PIP4K2B: variants seen among roughly 807,000 people sequenced by gnomAD.
The protein encoded by PIP4K2B is phosphatidylinositol-5-phosphate 4-kinase type 2 beta, also known as phosphatidylinositol 5-phosphate 4-kinase type-2 beta.
In PIP4K2B, 3 loss-of-function variants were observed where a neutral mutation model predicts 42.0. That is an observed-to-expected ratio of 0.07 (90% CI 0.03 to 0.18). The LOEUF is 0.18. Ranked by LOEUF, PIP4K2B falls within the 10% of genes least tolerant of loss-of-function variation. The pLI, the probability that PIP4K2B is intolerant of heterozygous loss-of-function variation, is 1.00. For missense variants in PIP4K2B, 332 were observed against 562.3 expected (o/e 0.59, Z 4.14); for synonymous variants, 204 against 210.1 (o/e 0.97, Z 0.25).
chr17:38,799,231 G>A lies in PIP4K2B; in HGVS notation c.159+35C>T, dbSNP rs1281581757. 6.4e-7 allele frequency: 1 copy of A among 1,552,904 alleles called. No homozygotes were observed. The highest frequency in any genetic ancestry group is 8.7e-7 in the Non-Finnish European group (1 of 1,154,256). ...CTGCAGGGGGCGTGGGAGCGCGCGG[G>A]GCCGCGCTCAGAGGGGCGCGCAGGA... On this transcript the variant is annotated intron_variant, in intron 1 of 9. Coordinates refer to ENST00000619039, the MANE Select transcript of PIP4K2B (RefSeq NM_003559.5). This position sits in a 1 kb window ranked among gnomAD's most constrained non-coding sequence, Gnocchi z 4.4.
intron 1 of PIP4K2B, among the ~76,000 whole-genome samples, chr17:38,788,804 T>A (rs1910182068): frequency 6.6e-6 from 1 of 151,992 alleles, no homozygotes; most frequent in Admixed American, 6.6e-5. Context: ...TACAAAAAAA[T>A]TAGCTGGGTG....
rs1373352874 is a variant in PIP4K2B at position 38,799,094 on chromosome 17, G to C, written c.159+172C>G. Among the ~76,000 whole-genome samples, 1 of 152,108 alleles carries C rather than the reference G, an allele frequency of 6.6e-6. No individual in the cohort carries two copies. Among genetic ancestry groups the C allele is most frequent in the Non-Finnish European group, 1.5e-5 (1 of 68,016 alleles). ...AGAGACACCAGGCCTCGCGTGGCGT[G>C]CGGGGAGTGCACACGGGGCCGAAAG... is the stretch of plus-strand genomic sequence containing the variant. On this transcript the variant is annotated intron_variant, in intron 1 of 9. Transcript: ENST00000619039. The surrounding 1 kb of genome is among the most constrained non-coding windows in gnomAD (Gnocchi z 4.4).
At chr17:38,784,758 C>T (rs563862711) in intron 2 of PIP4K2B, among the ~76,000 whole-genome samples, 2 of 152,246 alleles carry the variant, frequency 1.3e-5, no homozygotes, top group Non-Finnish European at 2.9e-5. Context: ...GGTATTTGTG[C>T]GATTTTCTAT....
intron 1 of PIP4K2B, among the ~76,000 whole-genome samples, chr17:38,790,288 CTTTG>C (rs1230865693): frequency 2.0e-5 from 3 of 152,172 alleles, no homozygotes; most frequent in Non-Finnish European, 4.4e-5. Context: ...CATTCCACTT[CTTTG>C]TTTTTCTGCC....
At chr17:38,797,267 T>C (rs1910703880) in intron 1 of PIP4K2B, among the ~76,000 whole-genome samples, 1 of 152,214 alleles carries the variant, frequency 6.6e-6, no homozygotes, top group Non-Finnish European at 1.5e-5. Context: ...CCATCAGCTA[T>C]TGAGAAACTT....
At position 38,779,641 on chromosome 17, in the gene PIP4K2B, A is replaced by C. The variant is rs545785134; in HGVS notation, c.508-112T>G. 7.8e-6 allele frequency: 7 copies of C among 893,064 alleles called. No homozygotes were observed. The South Asian group carries it at 1.1e-4, about 14-fold the overall frequency. The allele number at this position is 893,064 out of a possible 1,614,324, so 55.3% of individuals were successfully genotyped here. A position where few individuals can be genotyped will look rare whatever the true frequency, so the allele number is the denominator to read the frequency against. On this transcript the variant is annotated intron_variant, in intron 4 of 9. Transcript: ENST00000619039. ...GGCTCCCTGGGATTCTAACCTCTAGACCAGTAGTTCTCCAGCTGGGTTCTA... is the reference window on the plus strand; with the variant it reads ...GGCTCCCTGGGATTCTAACCTCTAGCCCAGTAGTTCTCCAGCTGGGTTCTA...
Position 38,799,503 on chromosome 17 carries a change from G to A in PIP4K2B, c.-79C>T, listed in dbSNP as rs1278567856. 6 of 1,385,880 alleles carry A rather than the reference G, an allele frequency of 4.3e-6. No homozygotes were observed. The highest frequency in any genetic ancestry group is 4.6e-6 in the Non-Finnish European group (5 of 1,077,102). The allele number at this position is 1,385,880 out of a possible 1,614,324, so 85.8% of individuals were successfully genotyped here. A position where few individuals can be genotyped will look rare whatever the true frequency, so the allele number is the denominator to read the frequency against. ...AAGCCAGCGGCCTCAGGCCTCCCCC[G>A]GACCGATCCCCACCCCCGCTCCCTC... On this transcript the variant is annotated 5_prime_UTR_variant, in exon 1 of 10. Transcript: ENST00000619039. The surrounding 1 kb of genome is among the most constrained non-coding windows in gnomAD (Gnocchi z 4.4).
rs1032592540 is a variant in PIP4K2B at position 38,799,061 on chromosome 17, C to T, written c.159+205G>A. 6.6e-6 allele frequency among the ~76,000 whole-genome samples: 1 copy of T among 151,570 alleles called. No homozygotes were observed. The highest frequency in any genetic ancestry group is 1.5e-5 in the Non-Finnish European group (1 of 67,862). Reference sequence around the variant, plus strand: ...TGGAGGGAAGGGGAGGTGGCGACGGCAGACCACAGAGACACCAGGCCTCGC... The same window carrying T: ...TGGAGGGAAGGGGAGGTGGCGACGGTAGACCACAGAGACACCAGGCCTCGC... On this transcript the variant is annotated intron_variant, in intron 1 of 9. Transcript: ENST00000619039. This position sits in a 1 kb window ranked among gnomAD's most constrained non-coding sequence, Gnocchi z 4.4.
intron 1 of PIP4K2B, among the ~76,000 whole-genome samples, chr17:38,792,038 G>C (rs1910370840): frequency 6.6e-6 from 1 of 151,892 alleles, no homozygotes; most frequent in Non-Finnish European, 1.5e-5. Flanking sequence ...GGAGCTTGCA[G>C]TGAGCCGAGT....
At chr17:38,773,102 A>G (rs1304549234) in intron 7 of PIP4K2B, among the ~76,000 whole-genome samples, 1 of 152,212 alleles carries the variant, frequency 6.6e-6, no homozygotes, top group African/African-American at 2.4e-5. Flanking sequence ...GGACTACTGT[A>G]TAATAAAATA....
At chr17:38,786,729 G>T in intron 2 of PIP4K2B, 94 bp downstream of exon 2, 1 of 814,708 alleles carries the variant, frequency 1.2e-6, no homozygotes. Context: ...GCCAGGTGCT[G>T]CCTTGGCTCC....
Position 38,799,454 on chromosome 17 carries a change from A to G in PIP4K2B, c.-30T>C, listed in dbSNP as rs1567666324. Reference sequence around the variant, plus strand: ...GGGGCGGCGGCGGCGGCGGCGAAAGAGGGGGGCGGCGGAGACAGCGCACAA... The same window carrying G: ...GGGGCGGCGGCGGCGGCGGCGAAAGGGGGGGGCGGCGGAGACAGCGCACAA... On this transcript the variant is annotated 5_prime_UTR_variant, in exon 1 of 10. Transcript: ENST00000619039. The surrounding 1 kb of genome is among the most constrained non-coding windows in gnomAD (Gnocchi z 4.4). 2.6e-6 allele frequency: 4 copies of G among 1,541,812 alleles called. No homozygotes were observed.
intron 1 of PIP4K2B, among the ~76,000 whole-genome samples, chr17:38,795,280 G>C (rs979488193): frequency 6.6e-6 from 1 of 151,930 alleles, no homozygotes; most frequent in East Asian, 1.9e-4. Flanking sequence ...TTTGTAAATG[G>C]GCAAAAAATT....
chr17:38,795,360 C>CCT (rs1300099640), intron 1 of PIP4K2B, among the ~76,000 whole-genome samples: 1 of 151,454 alleles, frequency 6.6e-6, no homozygotes, highest in Non-Finnish European at 1.5e-5. Context: ...CAATCCCAGT[C>CCT]CTTTGGGAGG....
chr17:38,778,178 G>C (rs1909474055), intron 6 of PIP4K2B, among the ~76,000 whole-genome samples, 156 bp downstream of exon 6: 2 of 152,148 alleles, frequency 1.3e-5, no homozygotes, highest in African/African-American at 4.8e-5. Context: ...CTAGCACAAG[G>C]ACAGACAGGT....
At chr17:38,792,246 T>C (rs1031078886) in intron 1 of PIP4K2B, among the ~76,000 whole-genome samples, 2 of 152,040 alleles carry the variant, frequency 1.3e-5, no homozygotes, top group African/African-American at 4.8e-5. Flanking sequence ...CTTCCTGAGC[T>C]CAGGTGATTC....
At chr17:38,787,711 A>G (rs1056448536) in intron 1 of PIP4K2B, among the ~76,000 whole-genome samples, 1 of 152,162 alleles carries the variant, frequency 6.6e-6, no homozygotes, top group Non-Finnish European at 1.5e-5. Context: ...CTCCTGCCTC[A>G]GCCTCCCAAG....
At chr17:38,785,050 G>A (rs1909931770) in intron 2 of PIP4K2B, among the ~76,000 whole-genome samples, 1 of 152,210 alleles carries the variant, frequency 6.6e-6, no homozygotes, top group Non-Finnish European at 1.5e-5. Flanking sequence ...TAGGAAAAGA[G>A]TGCCTGAGTT....
At chr17:38,787,495 ATC>A (rs1910097653) in intron 1 of PIP4K2B, among the ~76,000 whole-genome samples, 1 of 152,174 alleles carries the variant, frequency 6.6e-6, no homozygotes, top group South Asian at 2.1e-4. Context: ...TTTTCTTTGT[ATC>A]TGTCTTCTGG....
Sources: allele counts gnomAD v4.1 joint callset (sites outside exome capture counted in the v4.1 genomes callset), GRCh38; gene constraint gnomAD v4.1.1; non-coding constraint Gnocchi (gnomAD v3.1); transcripts MANE v1.5; gene names NCBI Gene and HGNC (gene_info 2026-07-23, HGNC 2026-07-21).